Variants in NXPH1 observed in about 807,000 individuals in gnomAD.
The protein encoded by NXPH1 is neurexophilin-1.
In NXPH1, 5 loss-of-function variants were observed where a neutral mutation model predicts 23.7. The ratio of observed to expected loss-of-function variants is 0.21; its 90% CI spans 0.11 to 0.44. The LOEUF (loss-of-function observed/expected upper bound fraction) is 0.44. NXPH1 is among the 20% of genes least tolerant of loss of function. The probability of loss-of-function intolerance (pLI) is 0.99; values close to 1 mark genes in which losing one functional copy is unlikely to be tolerated. For missense variants in NXPH1, 324 were observed against 321.6 expected, an observed-to-expected ratio of 1.01 and a Z score of -0.06; for synonymous variants, 144 against 122.2, an observed-to-expected ratio of 1.18 and a Z score of -1.18.
chr7:8,612,561 A>G (rs1211544162), intron 2 of NXPH1, among the ~76,000 whole-genome samples: 1 of 152,092 alleles, frequency 6.6e-6, no homozygotes, highest in East Asian at 1.9e-4. Context: ...GTGCTAAGTT[A>G]TAAGAGAGTC....
chr7:8,547,129 C>T (rs1036268155), intron 2 of NXPH1, among the ~76,000 whole-genome samples: 5 of 151,412 alleles, frequency 3.3e-5, no homozygotes, highest in East Asian at 2.0e-4. Flanking sequence ...CTAAATGTAA[C>T]GATTCACAAC....
At chr7:8,462,449 A>C (rs891557931) in intron 2 of NXPH1, among the ~76,000 whole-genome samples, 6 of 152,252 alleles carry the variant, frequency 3.9e-5, no homozygotes, top group Non-Finnish European at 4.4e-5. Flanking sequence ...CTCCCTGGTA[A>C]TAGGTTCTGC....
rs554933025 is a variant in NXPH1, at chr7:8,462,020, GT to G, written c.54+26255del. 4.6e-4 allele frequency among the ~76,000 whole-genome samples: 69 copies of G among 149,598 alleles called. 1 individual carries two copies. Among genetic ancestry groups the G allele is most frequent in the Middle Eastern group, 3.5e-3 (1 of 288 alleles). On this transcript the variant is annotated intron_variant, in intron 2 of 2. Transcript: ENST00000405863. ...CATTACTCTTTTAAATGACCACACT[GT>G]TATGTATATCTATATATCTATATCT...
chr7:8,751,045 A>T lies in NXPH1; in HGVS notation c.92A>T (p.Glu31Val), dbSNP rs915039506. The T allele has an allele frequency of 6.2e-7, 1 of 1,613,732 alleles. No individual in the cohort carries two copies. The highest frequency in any genetic ancestry group is 8.5e-7 in the Non-Finnish European group (1 of 1,179,776). ...AATTTAACGAACGGTGGAAAGTCAG[A>T]ACTTCTGAAATCAGGAAGCAGCAAA... ...CANLTNGGKS[E>V]LLKSGSSKST... The change falls in exon 3 of 3, where the codon GAA becomes GTA. Residue 31 changes from glutamate to valine, a missense_variant. Physicochemically the swap from Glu to Val is moderately radical, Grantham distance 121 (BLOSUM62 -2). Transcript: ENST00000405863. The surrounding 1 kb of genome is among the most constrained non-coding windows in gnomAD (Gnocchi z 4.5).
intron 2 of NXPH1, among the ~76,000 whole-genome samples, chr7:8,679,537 T>C (rs1821018660): frequency 6.6e-6 from 1 of 152,220 alleles, no homozygotes; most frequent in Non-Finnish European, 1.5e-5. Flanking sequence ...AATTGTTAAT[T>C]GTTAAAATCT....
intron 2 of NXPH1, among the ~76,000 whole-genome samples, chr7:8,550,229 G>A (rs1030117385): frequency 7.3e-5 from 11 of 151,566 alleles, no homozygotes; most frequent in African/African-American, 2.7e-4. Flanking sequence ...GGCTGTAGGG[G>A]ATAGAGATGA....
intron 2 of NXPH1, among the ~76,000 whole-genome samples, chr7:8,734,304 G>T (rs138831874): frequency 0.027 from 4,141 of 152,214 alleles, 78 homozygotes; most frequent in Non-Finnish European, 0.042. Context: ...AAGTCAGGTA[G>T]CGTGATGCCT....
chr7:8,696,958 C>T (rs944590749), intron 2 of NXPH1, among the ~76,000 whole-genome samples: 1 of 150,918 alleles, frequency 6.6e-6, no homozygotes, highest in South Asian at 2.1e-4. Context: ...AGGAATTTGA[C>T]ACCAGTCTGG....
intron 2 of NXPH1, among the ~76,000 whole-genome samples, chr7:8,707,375 C>T (rs1779721144): frequency 6.6e-6 from 1 of 152,144 alleles, no homozygotes; most frequent in Admixed American, 6.6e-5. Flanking sequence ...TAATATTTCT[C>T]AGGCTATTAT....
chr7:8,531,029 G>C (rs770176353), intron 2 of NXPH1, among the ~76,000 whole-genome samples: 10 of 152,098 alleles, frequency 6.6e-5, no homozygotes, highest in Non-Finnish European at 1.0e-4. Context: ...ACTAGAATGG[G>C]GATCAGAAAA....
At chr7:8,729,644 G>A (rs1448581781) in intron 2 of NXPH1, among the ~76,000 whole-genome samples, 12 of 139,974 alleles carry the variant, frequency 8.6e-5, no homozygotes, top group Admixed American at 1.5e-4. Context: ...ATGTAGTTGA[G>A]CGGTTTTGAG....
At chr7:8,461,383 A>C (rs117045406) in intron 2 of NXPH1, among the ~76,000 whole-genome samples, 3,961 of 152,304 alleles carry the variant, frequency 0.026, 80 homozygotes, top group South Asian at 0.042. Flanking sequence ...TGGAGAGAGA[A>C]ATAGAAAACA....
At chr7:8,542,505 A>G (rs1236400076) in intron 2 of NXPH1, among the ~76,000 whole-genome samples, 1 of 151,620 alleles carries the variant, frequency 6.6e-6, no homozygotes, top group Non-Finnish European at 1.5e-5. Context: ...ACTCTATGCA[A>G]CAAGAGCAGA....
intron 2 of NXPH1, among the ~76,000 whole-genome samples, chr7:8,726,017 G>T (rs148132059): frequency 6.6e-6 from 1 of 152,262 alleles, no homozygotes; most frequent in East Asian, 1.9e-4. Flanking sequence ...GCTTCCAGGT[G>T]AAACTCTGGA....
chr7:8,647,970 T>C (rs1820423108), intron 2 of NXPH1, among the ~76,000 whole-genome samples: 1 of 152,166 alleles, frequency 6.6e-6, no homozygotes, highest in Non-Finnish European at 1.5e-5. Flanking sequence ...AAATATTACA[T>C]GGCCTATATG....
At chr7:8,628,709 G>C (rs1299906972) in intron 2 of NXPH1, among the ~76,000 whole-genome samples, 2 of 152,002 alleles carry the variant, frequency 1.3e-5, no homozygotes, top group Non-Finnish European at 2.9e-5. Context: ...AAAGCCTGAT[G>C]TATTTGAAAG....
chr7:8,685,821 T>TA (rs58047305), intron 2 of NXPH1, among the ~76,000 whole-genome samples: 51,952 of 149,288 alleles, frequency 0.35, 8,948 homozygotes, highest in East Asian at 0.44. Flanking sequence ...GTTAATAGGT[T>TA]AAAAAAAAAA....
At chr7:8,563,881 G>C (rs1818493359) in intron 2 of NXPH1, among the ~76,000 whole-genome samples, 1 of 151,674 alleles carries the variant, frequency 6.6e-6, no homozygotes, top group South Asian at 2.1e-4. Context: ...AAATTGATGG[G>C]CCATTGAGAT....
intron 2 of NXPH1, among the ~76,000 whole-genome samples, chr7:8,655,451 TACACACACACAC>T (rs71017603): frequency 7.2e-6 from 1 of 139,098 alleles, no homozygotes; most frequent in Non-Finnish European, 1.5e-5. Flanking sequence ...TCTCTCTCTA[TACACACACACAC>T]ACACACACAC....
Sources: allele counts gnomAD v4.1 joint callset (sites outside exome capture counted in the v4.1 genomes callset), GRCh38; gene constraint gnomAD v4.1.1; non-coding constraint Gnocchi (gnomAD v3.1); transcripts MANE v1.5; gene names NCBI Gene and HGNC (gene_info 2026-07-23, HGNC 2026-07-21).